The following PLN variants were observed in gnomAD, a reference collection of about 807,000 sequenced individuals.
The protein encoded by PLN is cardiac phospholamban.
A neutral mutation model predicts 3.9 loss-of-function variants in PLN; 1 was observed. The observed-to-expected ratio is 0.26, with a 90% CI of 0.09 to 1.23. The LOEUF is 1.23. PLN is among the 50% of genes most tolerant of loss of function. The pLI, the probability that PLN is intolerant of heterozygous loss-of-function variation, is 0.48. For synonymous variants in PLN, 21 were observed against 20.5 expected (o/e 1.02, Z -0.07); for missense variants, 59 against 62.7 (o/e 0.94, Z 0.20).
intron 1 of PLN, among the ~76,000 whole-genome samples, chr6:118,556,495 T>C (rs1015577841): frequency 1.3e-5 from 2 of 152,164 alleles, no homozygotes; most frequent in African/African-American, 4.8e-5. Context: ...TATGGTTTCT[T>C]TGCCAAAGTA....
At position 118,551,990 on chromosome 6, in the gene PLN, T is replaced by C. The variant is rs112329078; in HGVS notation, c.-98+3598T>C. 4.3e-3 allele frequency among the ~76,000 whole-genome samples: 660 copies of C among 152,122 alleles called. 8 individuals are homozygous for C. Among genetic ancestry groups the C allele is most frequent in the African/African-American group, 0.015 (639 of 41,540 alleles). On this transcript the variant is annotated intron_variant, in intron 1 of 1. Coordinates refer to ENST00000357525, the MANE Select transcript of PLN (RefSeq NM_002667.5). ...TGCACATTCACTTATGGCTTATCAGTGGAAATGTCAGAAAGTAGTAGAAAA... is the reference window on the plus strand; with the variant it reads ...TGCACATTCACTTATGGCTTATCAGCGGAAATGTCAGAAAGTAGTAGAAAA...
At chr6:118,556,649 G>C (rs1319853744) in intron 1 of PLN, among the ~76,000 whole-genome samples, 2 of 152,064 alleles carry the variant, frequency 1.3e-5, no homozygotes, top group East Asian at 3.8e-4. Flanking sequence ...TGTATAAAAG[G>C]ACTTAGGAGA....
chr6:118,549,428 G>A (rs1368371499), intron 1 of PLN, among the ~76,000 whole-genome samples: 2 of 151,576 alleles, frequency 1.3e-5, no homozygotes, highest in South Asian at 2.1e-4. Context: ...CTCTGTCAGG[G>A]CATACAGAAA....
At chr6:118,549,959 T>G (rs1260278407) in intron 1 of PLN, among the ~76,000 whole-genome samples, 1 of 151,920 alleles carries the variant, frequency 6.6e-6, no homozygotes, top group Non-Finnish European at 1.5e-5. Context: ...CCATACATTG[T>G]GTCCCAACTA....
intron 1 of PLN, among the ~76,000 whole-genome samples, chr6:118,558,031 C>A (rs1362930245): frequency 6.6e-6 from 1 of 150,832 alleles, no homozygotes; most frequent in African/African-American, 2.4e-5. Flanking sequence ...GTGGCATGAT[C>A]TGGGCTCAAT....
At chr6:118,551,697 G>C (rs1227029089) in intron 1 of PLN, among the ~76,000 whole-genome samples, 1 of 152,012 alleles carries the variant, frequency 6.6e-6, no homozygotes, top group Non-Finnish European at 1.5e-5. Context: ...TTAGGAATGA[G>C]AATATATTGA....
In PLN at chr6:118,561,409, T is replaced by A. The variant is rs1779214953; in HGVS notation, c.*2329T>A. On this transcript the variant is annotated 3_prime_UTR_variant, in exon 2 of 2. Coordinates refer to ENST00000357525, the MANE Select transcript of PLN (RefSeq NM_002667.5). ...CTTCATTCTTTGATAGAAATTAAAA[T>A]CTTATTCTGTGAGGATTACAGAATA... Among the ~76,000 whole-genome samples, 1 of 152,186 alleles carries A rather than the reference T, an allele frequency of 6.6e-6. No homozygotes were observed.
chr6:118,551,950 C>T (rs923811919), intron 1 of PLN, among the ~76,000 whole-genome samples: 1 of 151,706 alleles, frequency 6.6e-6, no homozygotes, highest in African/African-American at 2.4e-5. Context: ...TACCACAAGT[C>T]CAAAAAAGGG....
At chr6:118,553,378 T>C (rs900560617) in intron 1 of PLN, among the ~76,000 whole-genome samples, 2 of 152,120 alleles carry the variant, frequency 1.3e-5, no homozygotes, top group African/African-American at 4.8e-5. Context: ...CAATTCTCAA[T>C]GTATGACAGG....
Position 118,559,619 on chromosome 6 carries a change from T to C in PLN, c.*539T>C, listed in dbSNP as rs1293430929. On this transcript the variant is annotated 3_prime_UTR_variant, in exon 2 of 2. Transcript: ENST00000357525. ...TATAAAGAACTATTTGTAGTAACTA[T>C]CAGAATCTACATTCTAAAACAGAAA... 5.9e-6 allele frequency: 1 copy of C among 170,366 alleles called. No individual in the cohort carries two copies. Among genetic ancestry groups the C allele is most frequent in the Non-Finnish European group, 1.4e-5 (1 of 70,084 alleles). The allele number at this position is 170,366 out of a possible 1,614,324, so 10.6% of individuals were successfully genotyped here. A position where few individuals can be genotyped will look rare whatever the true frequency, so the allele number is the denominator to read the frequency against.
intron 1 of PLN, among the ~76,000 whole-genome samples, chr6:118,558,506 T>C (rs764817921): frequency 6.6e-6 from 1 of 151,930 alleles, no homozygotes; most frequent in African/African-American, 2.4e-5. Flanking sequence ...ATACTTGTAG[T>C]AAATTTGGGA....
intron 1 of PLN, among the ~76,000 whole-genome samples, chr6:118,549,024 TAATA>T (rs1469859327): frequency 2.0e-5 from 3 of 152,004 alleles, no homozygotes; most frequent in African/African-American, 7.2e-5. Flanking sequence ...TCCATGCTAT[TAATA>T]AATTGAGTTA....
chr6:118,551,331 C>CA (rs377690383), intron 1 of PLN, among the ~76,000 whole-genome samples: 6 of 149,634 alleles, frequency 4.0e-5, no homozygotes, highest in South Asian at 2.1e-4. Flanking sequence ...AACCCCCGCA[C>CA]AAAAAAAAAG....
rs2114971386 is a variant in PLN at position 118,559,296 on chromosome 6, A to G, written c.*216A>G. On this transcript the variant is annotated 3_prime_UTR_variant, in exon 2 of 2. Coordinates refer to ENST00000357525, the MANE Select transcript of PLN (RefSeq NM_002667.5). ...AAAAGGGCTTTATTTTCAAAAATTAACTTCAAAATAAGTGTATAAAATGCA... is the reference window on the plus strand; with the variant it reads ...AAAAGGGCTTTATTTTCAAAAATTAGCTTCAAAATAAGTGTATAAAATGCA... The G allele has an allele frequency of 1.8e-6, 1 of 554,188 alleles. No homozygotes were observed. The highest frequency in any genetic ancestry group is 2.1e-5 in the South Asian group (1 of 48,376). 34.3% of individuals were successfully genotyped at this position (554,188 alleles called of 1,614,324 possible).
chr6:118,549,355 C>T (rs1778398716), intron 1 of PLN, among the ~76,000 whole-genome samples: 1 of 151,830 alleles, frequency 6.6e-6, no homozygotes, highest in South Asian at 2.1e-4. Context: ...TGTTTGAATT[C>T]TACCCTATTC....
intron 1 of PLN, among the ~76,000 whole-genome samples, chr6:118,550,243 G>T (rs1278047818): frequency 6.6e-6 from 1 of 151,610 alleles, no homozygotes; most frequent in African/African-American, 2.4e-5. Flanking sequence ...GATCACATTT[G>T]GGTATATAAT....
chr6:118,550,664 C>T (rs1778488849), intron 1 of PLN, among the ~76,000 whole-genome samples: 1 of 151,852 alleles, frequency 6.6e-6, no homozygotes, highest in Non-Finnish European at 1.5e-5. Flanking sequence ...GGTTTTGTCA[C>T]TAAGCCACAT....
Position 118,559,028 on chromosome 6 carries a change from G to A in PLN, c.107G>A (p.Cys36Tyr). 1 of 1,610,972 alleles carries A rather than the reference G, an allele frequency of 6.2e-7. No homozygotes were observed. The highest frequency in any genetic ancestry group is 8.5e-7 in the Non-Finnish European group (1 of 1,177,160). Residue 36 changes from cysteine (C) to tyrosine (Y), a missense_variant, in exon 2 of 2, where the codon TGT becomes TAT. Cys to Tyr is a radical substitution (Grantham distance 194, BLOSUM62 -2). Coordinates refer to ENST00000357525, the MANE Select transcript of PLN (RefSeq NM_002667.5). ...QKLQNLFINFCLILICLLLIC... is the reference protein window; with the variant it reads ...QKLQNLFINFYLILICLLLIC... ...CTACAGAATCTATTTATCAATTTCT[G>A]TCTCATCTTAATATGTCTCTTGCTG...
chr6:118,551,127 G>C (rs547131025), intron 1 of PLN, among the ~76,000 whole-genome samples: 1 of 151,682 alleles, frequency 6.6e-6, no homozygotes, highest in African/African-American at 2.4e-5. Flanking sequence ...ATCACATTTC[G>C]ATACTTTATT....
Sources: gnomAD v4.1 joint callset for allele counts (sites outside exome capture counted in the v4.1 genomes callset) on GRCh38, gnomAD v4.1.1 for gene constraint, MANE v1.5 for transcripts, NCBI Gene and HGNC (gene_info 2026-07-23, HGNC 2026-07-21) for gene names.